SPAG16: variants seen among roughly 807,000 people sequenced by gnomAD.
SPAG16 encodes sperm-associated antigen 16 protein.
A neutral mutation model predicts 80.4 loss-of-function variants in SPAG16; 86 were observed. The observed-to-expected ratio is 1.07, with a 90% CI of 0.90 to 1.28. The LOEUF is 1.28. Ranked by LOEUF, SPAG16 falls within the 50% of genes most tolerant of loss-of-function variation. The probability of loss-of-function intolerance (pLI) is 0.00; values close to 1 mark genes in which losing one functional copy is unlikely to be tolerated. For missense variants in SPAG16, 870 were observed against 765.3 expected (o/e 1.14, Z -1.61); for synonymous variants, 294 against 265.9 (o/e 1.11, Z -1.03).
At chr2:213,792,576 CTT>C (rs11372174) in intron 10 of SPAG16, among the ~76,000 whole-genome samples, 4 of 78,252 alleles carry the variant, frequency 5.1e-5, no homozygotes, top group African/African-American at 9.7e-5. Flanking sequence ...AAATGAGTAT[CTT>C]TTTTTTTTTT....
chr2:214,080,233 CAGTA>C (rs926084366), intron 13 of SPAG16, among the ~76,000 whole-genome samples: 2 of 152,116 alleles, frequency 1.3e-5, no homozygotes, highest in African/African-American at 2.4e-5. Flanking sequence ...TCAACAAACT[CAGTA>C]AGAGACTCTA....
At chr2:214,176,978 A>G (rs928781226) in intron 15 of SPAG16, among the ~76,000 whole-genome samples, 2 of 151,194 alleles carry the variant, frequency 1.3e-5, no homozygotes, top group Admixed American at 6.6e-5. Context: ...TTTGTGGTAT[A>G]TCTATATTCA....
intron 15 of SPAG16, among the ~76,000 whole-genome samples, chr2:214,181,225 T>C (rs948082470): frequency 6.6e-6 from 1 of 151,800 alleles, no homozygotes; most frequent in African/African-American, 2.4e-5. Context: ...ATATCTAACA[T>C]GAGAAATGTG....
At chr2:214,076,507 T>C (rs576703232) in intron 13 of SPAG16, among the ~76,000 whole-genome samples, 1 of 147,492 alleles carries the variant, frequency 6.8e-6, no homozygotes, top group Admixed American at 6.9e-5. Flanking sequence ...TTCTTCTTAT[T>C]TTATTCTGTG....
intron 11 of SPAG16, among the ~76,000 whole-genome samples, chr2:213,885,980 T>C (rs920631693): frequency 8.5e-5 from 13 of 152,198 alleles, no homozygotes; most frequent in South Asian, 2.1e-4. Flanking sequence ...TCTATTTTTA[T>C]GCTTAGCTTC....
At chr2:213,695,790 A>G (rs2065130946) in intron 10 of SPAG16, among the ~76,000 whole-genome samples, 1 of 152,226 alleles carries the variant, frequency 6.6e-6, no homozygotes. Context: ...ATGCACATGC[A>G]GTTGAACAAT....
rs556263355 is a variant in SPAG16, at chr2:214,325,950, A to C, written c.1721-84190A>C. 2.6e-5 allele frequency among the ~76,000 whole-genome samples: 4 copies of C among 152,318 alleles called. No homozygotes were observed. The South Asian group carries it at 8.3e-4, about 32-fold the overall frequency. Reference sequence around the variant, plus strand: ...CATAGGAATCATGCCTGTTTCTCCAAAACTAGCCCTAGCACACAAGACCAG... The same window carrying C: ...CATAGGAATCATGCCTGTTTCTCCACAACTAGCCCTAGCACACAAGACCAG... On this transcript the variant is annotated intron_variant, in intron 15 of 15. Transcript: ENST00000331683.
At chr2:214,288,545 A>T (rs1559184614) in intron 15 of SPAG16, among the ~76,000 whole-genome samples, 1 of 152,054 alleles carries the variant, frequency 6.6e-6, no homozygotes. Context: ...ATTCCCACCG[A>T]CAGTGTATGA....
At chr2:213,600,353 C>A (rs2061021354) in intron 10 of SPAG16, among the ~76,000 whole-genome samples, 1 of 152,140 alleles carries the variant, frequency 6.6e-6, no homozygotes, top group African/African-American at 2.4e-5. Flanking sequence ...GCCATGGATT[C>A]TCTGCATCAT....
Position 213,317,339 on chromosome 2 carries a change from C to G in SPAG16, c.519C>G (p.His173Gln), listed in dbSNP as rs766555021. ...AAAATTTAAAGAAAGATTTGAAGCA[C>G]TACAAACAAGCAGCTGAGTATGTTA... Reference protein sequence around the residue: ...ENKNLKKDLKHYKQAADKARE... With the variant: ...ENKNLKKDLKQYKQAADKARE... The change falls in exon 5 of 16, where the codon CAC becomes CAG. Residue 173 changes from histidine to glutamine, a missense_variant. His to Gln is a conservative substitution (Grantham distance 24). Coordinates refer to ENST00000331683, the MANE Select transcript of SPAG16 (RefSeq NM_024532.5). The G allele has an allele frequency of 8.7e-6, 14 of 1,609,012 alleles. No individual in the cohort carries two copies. The highest frequency in any genetic ancestry group is 2.7e-5 in the African/African-American group (2 of 74,662).
intron 15 of SPAG16, among the ~76,000 whole-genome samples, chr2:214,150,385 G>A (rs2055918188): frequency 6.6e-6 from 1 of 151,912 alleles, no homozygotes; most frequent in Non-Finnish European, 1.5e-5. Context: ...AAATGTTTTA[G>A]TAATATTCTT....
chr2:213,642,385 TA>T (rs1184675980), intron 10 of SPAG16, among the ~76,000 whole-genome samples: 1 of 152,176 alleles, frequency 6.6e-6, no homozygotes, highest in Non-Finnish European at 1.5e-5. Flanking sequence ...CAACTTCCTT[TA>T]GTATTTCTTA....
At chr2:214,018,950 A>C (rs1056923323) in intron 13 of SPAG16, among the ~76,000 whole-genome samples, 1 of 152,170 alleles carries the variant, frequency 6.6e-6, no homozygotes, top group African/African-American at 2.4e-5. Context: ...TGAATTTTGT[A>C]GAGGATGAAA....
intron 5 of SPAG16, among the ~76,000 whole-genome samples, chr2:213,323,215 C>T (rs1300187902): frequency 6.6e-6 from 1 of 152,126 alleles, no homozygotes; most frequent in Non-Finnish European, 1.5e-5. Context: ...CCGAGGCGGG[C>T]AGATCACAAG....
intron 8 of SPAG16, among the ~76,000 whole-genome samples, chr2:213,370,506 G>A (rs1044132735): frequency 6.6e-6 from 1 of 152,044 alleles, no homozygotes; most frequent in African/African-American, 2.4e-5. Flanking sequence ...AATATTAAAT[G>A]ATGGTTTGAA....
At chr2:213,552,653 A>G (rs191629372) in intron 10 of SPAG16, among the ~76,000 whole-genome samples, 18 of 152,312 alleles carry the variant, frequency 1.2e-4, no homozygotes, top group Admixed American at 3.3e-4. Flanking sequence ...TTGAGTGTCA[A>G]CTTGATTGGA....
At chr2:213,916,279 T>G (rs189043589) in intron 11 of SPAG16, among the ~76,000 whole-genome samples, 230 of 152,300 alleles carry the variant, frequency 1.5e-3, no homozygotes, top group African/African-American at 5.4e-3. Flanking sequence ...CCATCATGAG[T>G]TAATTTTTGT....
intron 9 of SPAG16, among the ~76,000 whole-genome samples, chr2:213,438,831 G>T (rs767025190): frequency 6.6e-5 from 10 of 152,222 alleles, no homozygotes; most frequent in Non-Finnish European, 1.3e-4. Context: ...AAAAGAGAGT[G>T]TAGAAATTAG....
At chr2:213,869,837 C>T (rs1427355) in intron 11 of SPAG16, among the ~76,000 whole-genome samples, 52,059 of 151,792 alleles carry the variant, frequency 0.34, 9,399 homozygotes, top group South Asian at 0.47. Flanking sequence ...AATGTCCGTA[C>T]GTATAGTAGT....
Sources: gnomAD v4.1 joint callset for allele counts (sites outside exome capture counted in the v4.1 genomes callset) on GRCh38, gnomAD v4.1.1 for gene constraint, MANE v1.5 for transcripts, NCBI Gene and HGNC (gene_info 2026-07-23, HGNC 2026-07-21) for gene names.